The following STAU2 variants were observed in gnomAD, a reference collection of about 807,000 sequenced individuals.
STAU2 encodes double-stranded RNA-binding protein Staufen homolog 2.
A neutral mutation model predicts 65.9 loss-of-function variants in STAU2; 20 were observed. The ratio of observed to expected loss-of-function variants is 0.30; its 90% CI spans 0.21 to 0.44. STAU2 has a LOEUF of 0.44. Ranked by LOEUF, STAU2 falls within the 20% of genes least tolerant of loss-of-function variation. The probability of loss-of-function intolerance (pLI) is 1.00; values close to 1 mark genes in which losing one functional copy is unlikely to be tolerated. For missense variants in STAU2, 558 were observed against 683.9 expected, an observed-to-expected ratio of 0.82 and a Z score of 2.05; for synonymous variants, 232 against 233.9, an observed-to-expected ratio of 0.99 and a Z score of 0.07.
At chr8:73,590,275 C>G (rs1810677135) in intron 11 of STAU2, among the ~76,000 whole-genome samples, 1 of 150,420 alleles carries the variant, frequency 6.6e-6, no homozygotes, top group African/African-American at 2.5e-5. Context: ...CAAAAAAAAT[C>G]AATTAGATAC....
chr8:73,617,294 G>C lies in STAU2; in HGVS notation c.568C>G (p.Gln190Glu). The change falls in exon 7 of 15, where the codon CAG (glutamine) becomes GAG (glutamate). Residue 190 changes from glutamine (Q) to glutamate (E), a missense_variant and splice_region_variant. This residue lies in a region of STAU2 where 199 missense variants were observed against 299.5 expected (regional missense o/e 0.66). Coordinates refer to ENST00000524300, the MANE Select transcript of STAU2 (RefSeq NM_001164380.2). ...TGTCACATGCAGCAGCACCACACCT[G>C]AGGAGATCTTTCTGGAATAGGTTCA... ...QNEPIPERSP[Q>E]NGESGKDVDD... The C allele has an allele frequency of 1.2e-6, 2 of 1,613,970 alleles. No homozygotes were observed. Among genetic ancestry groups the C allele is most frequent in the Non-Finnish European group, 1.7e-6 (2 of 1,179,924 alleles).
chr8:73,741,597 C>A (rs1156959797), intron 1 of STAU2, among the ~76,000 whole-genome samples: 1 of 151,848 alleles, frequency 6.6e-6, no homozygotes, highest in Non-Finnish European at 1.5e-5. Context: ...ACTGCAACCT[C>A]CACCTACCAG....
chr8:73,734,511 G>C (rs1044337236), intron 3 of STAU2, among the ~76,000 whole-genome samples: 1 of 152,038 alleles, frequency 6.6e-6, no homozygotes. Context: ...AAAAAACCAT[G>C]TAGGCCGGGC....
At chr8:73,445,978 A>G (rs1818446115) in intron 13 of STAU2, among the ~76,000 whole-genome samples, 1 of 152,228 alleles carries the variant, frequency 6.6e-6, no homozygotes, top group South Asian at 2.1e-4. Flanking sequence ...ACTCCTGGGC[A>G]TTTATCCCAA....
chr8:73,742,290 T>C, intron 1 of STAU2: 3 of 968,444 alleles, frequency 3.1e-6, no homozygotes, highest in Middle Eastern at 5.3e-4. Flanking sequence ...CCCAGCACTT[T>C]TGGAGTCTGA....
At chr8:73,511,024 C>A (rs975931824) in intron 13 of STAU2, among the ~76,000 whole-genome samples, 2 of 152,250 alleles carry the variant, frequency 1.3e-5, no homozygotes, top group African/African-American at 4.8e-5. Flanking sequence ...TTCTTGGTGA[C>A]CACTGAAGGC....
chr8:73,573,950 C>T (rs985871802), intron 12 of STAU2, among the ~76,000 whole-genome samples: 3 of 152,102 alleles, frequency 2.0e-5, no homozygotes, highest in African/African-American at 7.2e-5. Context: ...AAGAAACTAC[C>T]ATCAGAGTGA....
chr8:73,481,381 G>C (rs910409606), intron 13 of STAU2, among the ~76,000 whole-genome samples: 9 of 151,844 alleles, frequency 5.9e-5, no homozygotes, highest in African/African-American at 2.2e-4. Context: ...ATCTGCCTCA[G>C]GTTCTCTGAA....
intron 13 of STAU2, among the ~76,000 whole-genome samples, chr8:73,529,836 T>C (rs1048425059): frequency 1.3e-5 from 2 of 152,204 alleles, no homozygotes; most frequent in Non-Finnish European, 2.9e-5. Flanking sequence ...AGACTGCTAG[T>C]TGTCCTCCAA....
At chr8:73,551,973 TG>T (rs1383288078) in intron 13 of STAU2, 38 bp downstream of exon 13, 5 of 1,520,458 alleles carry the variant, frequency 3.3e-6, no homozygotes, top group South Asian at 1.4e-5. Flanking sequence ...CTGAGGCTAA[TG>T]AATTGTTTTG....
At chr8:73,700,720 G>A (rs527815902) in intron 4 of STAU2, among the ~76,000 whole-genome samples, 4 of 152,038 alleles carry the variant, frequency 2.6e-5, no homozygotes, top group South Asian at 2.1e-4. Context: ...CAGACTCAAC[G>A]CATTCCCTAT....
chr8:73,463,682 G>T (rs1819496221), intron 13 of STAU2, among the ~76,000 whole-genome samples: 1 of 152,192 alleles, frequency 6.6e-6, no homozygotes, highest in African/African-American at 2.4e-5. Context: ...TACTTCATTT[G>T]GGGAGGAGGC....
At chr8:73,606,355 A>C (rs1405089582) in intron 9 of STAU2, among the ~76,000 whole-genome samples, 1 of 152,050 alleles carries the variant, frequency 6.6e-6, no homozygotes, top group African/African-American at 2.4e-5. Flanking sequence ...CTGTATCCAG[A>C]GTATATAAAG....
intron 13 of STAU2, among the ~76,000 whole-genome samples, chr8:73,508,019 G>A (rs1445519702): frequency 6.6e-6 from 1 of 152,136 alleles, no homozygotes; most frequent in Non-Finnish European, 1.5e-5. Flanking sequence ...AGAATGCTGT[G>A]GCTGGTTTGA....
At chr8:73,602,046 T>C (rs931386791) in intron 10 of STAU2, among the ~76,000 whole-genome samples, 4 of 152,138 alleles carry the variant, frequency 2.6e-5, no homozygotes, top group African/African-American at 9.7e-5. Flanking sequence ...AGAATTCCCC[T>C]CTTTTTGGAT....
chr8:73,590,029 T>G, intron 11 of STAU2, among the ~76,000 whole-genome samples: 7 of 128,812 alleles, frequency 5.4e-5, no homozygotes, highest in East Asian at 2.3e-4. Flanking sequence ...AGAAGAACAA[T>G]AGGGAAGGAG....
intron 13 of STAU2, among the ~76,000 whole-genome samples, chr8:73,487,986 A>C (rs1009364602): frequency 6.6e-6 from 1 of 152,102 alleles, no homozygotes; most frequent in East Asian, 1.9e-4. Flanking sequence ...GTTTACCATG[A>C]ACAAAAAAAC....
chr8:73,524,143 G>A (rs1346066859), intron 13 of STAU2, among the ~76,000 whole-genome samples: 1 of 152,100 alleles, frequency 6.6e-6, no homozygotes, highest in African/African-American at 2.4e-5. Flanking sequence ...AAAATGATAG[G>A]GACTTAAACT....
In STAU2 at chr8:73,688,798, G is replaced by C; in HGVS notation, c.130C>G (p.Leu44Val). Residue 44 changes from leucine (L) to valine (V), a missense_variant, in exon 5 of 15, where the codon CTG becomes GTG. Physicochemically the swap from Leu to Val is conservative, Grantham distance 32. Around this residue, in one of 3 missense-constraint regions of STAU2, gnomAD observed 112 missense variants for 114.2 expected, o/e 0.98. Transcript: ENST00000524300. ...PAHSKMFSVQLSLGEQTWESE... is the reference protein window; with the variant it reads ...PAHSKMFSVQVSLGEQTWESE... ...TCCCATGTCTGCTCACCAAGACTCAGCTGCACTGAGAACATCTTAGAAAAA... is the reference window on the plus strand; with the variant it reads ...TCCCATGTCTGCTCACCAAGACTCACCTGCACTGAGAACATCTTAGAAAAA... 1.2e-6 allele frequency: 2 copies of C among 1,614,110 alleles called. No individual in the cohort carries two copies. The highest frequency in any genetic ancestry group is 1.7e-6 in the Non-Finnish European group (2 of 1,180,008).
Sources: allele counts gnomAD v4.1 joint callset (sites outside exome capture counted in the v4.1 genomes callset), GRCh38; gene constraint gnomAD v4.1.1; regional missense constraint gnomAD v4.1.1; transcripts MANE v1.5; gene names NCBI Gene and HGNC (gene_info 2026-07-23, HGNC 2026-07-21).